POLK: variants seen among roughly 807,000 people sequenced by gnomAD.
The protein encoded by POLK is polymerase (DNA directed) kappa.
POLK carries 76 observed loss-of-function variants against 94.0 expected under a neutral mutation model. That is an observed-to-expected ratio of 0.81 (90% confidence interval 0.67 to 0.98). The LOEUF is 0.98. Ranked by LOEUF, POLK falls within the 50% of genes least tolerant of loss-of-function variation. The pLI, the probability that POLK is intolerant of heterozygous loss-of-function variation, is 0.00. For missense variants in POLK, 954 were observed against 1,010.1 expected (o/e 0.94, Z 0.75); for synonymous variants, 349 against 325.4 (o/e 1.07, Z -0.78).
chr5:75,577,863 C>CT (rs1162241922), intron 6 of POLK, among the ~76,000 whole-genome samples: 55 of 151,458 alleles, frequency 3.6e-4, no homozygotes, highest in Admixed American at 9.9e-4. Flanking sequence ...ATAGCTCTCT[C>CT]TTTTTTTTTA....
chr5:75,554,549 TATAA>T (rs1055743649), intron 3 of POLK, among the ~76,000 whole-genome samples: 2 of 152,112 alleles, frequency 1.3e-5, no homozygotes, highest in Non-Finnish European at 2.9e-5. Flanking sequence ...AGGTTTGTTA[TATAA>T]ATAAACTGGT....
At chr5:75,571,894 T>C (rs983571919) in intron 4 of POLK, among the ~76,000 whole-genome samples, 1 of 152,220 alleles carries the variant, frequency 6.6e-6, no homozygotes. Flanking sequence ...CTAGCTTTTA[T>C]GTCAATTATA....
At chr5:75,557,195 A>G (rs889861394) in intron 3 of POLK, among the ~76,000 whole-genome samples, 1 of 152,198 alleles carries the variant, frequency 6.6e-6, no homozygotes, top group African/African-American at 2.4e-5. Context: ...CTATTTGTCT[A>G]TTCTTTTGCC....
chr5:75,577,665 C>T (rs1771967002), intron 6 of POLK, among the ~76,000 whole-genome samples: 1 of 152,158 alleles, frequency 6.6e-6, no homozygotes, highest in African/African-American at 2.4e-5. Context: ...TCATGTGCAC[C>T]ACTCATTGCT....
chr5:75,567,847 C>T (rs1039218852), intron 3 of POLK, among the ~76,000 whole-genome samples: 7 of 152,300 alleles, frequency 4.6e-5, no homozygotes, highest in Admixed American at 3.3e-4. Flanking sequence ...TAGAGCAACC[C>T]AGGTCATTCA....
Position 75,583,424 on chromosome 5 carries a change from T to G in POLK, c.1059+7T>G. On this transcript the variant is annotated splice_region_variant and intron_variant, in intron 8 of 14. Transcript: ENST00000241436. The stretch of plus-strand genomic sequence containing the variant: ...GGATTTACCCATTAGAAAGGTAAGA[T>G]TTTTACATAAAGTTTATTTATATAT... 6.4e-7 allele frequency: 1 copy of G among 1,570,574 alleles called. No individual in the cohort carries two copies. The highest frequency in any genetic ancestry group is 8.7e-7 in the Non-Finnish European group (1 of 1,145,308).
intron 3 of POLK, among the ~76,000 whole-genome samples, chr5:75,568,285 G>A (rs1223413763): frequency 6.6e-6 from 1 of 152,070 alleles, no homozygotes; most frequent in African/African-American, 2.4e-5. Context: ...ATATTTTCCA[G>A]CTTATTTAAT....
At chr5:75,552,402 A>G in intron 2 of POLK, 70 bp from the exon 3 acceptor site, 1 of 1,419,090 alleles carries the variant, frequency 7.0e-7, no homozygotes, top group Non-Finnish European at 9.5e-7. Flanking sequence ...GCTCTTAGCC[A>G]CCAGGTTATA....
exon 8 of POLK, chr5:75,583,353 A>G (rs1273997334): frequency 1.9e-6 from 3 of 1,604,704 alleles, no homozygotes; most frequent in Non-Finnish European, 2.6e-6. Context: ...CCAAATGGAC[A>G]ATACCAAATT....
chr5:75,568,685 CA>C, intron 3 of POLK: 3 of 440,758 alleles, frequency 6.8e-6, no homozygotes, highest in South Asian at 5.0e-5. Flanking sequence ...AGATTAACAT[CA>C]AATTTTAACA....
At chr5:75,598,118 AG>A in exon 15 of POLK, 1 of 519,162 alleles carries the variant, frequency 1.9e-6, no homozygotes, top group East Asian at 3.5e-5. Context: ...TATTTAGTGA[AG>A]GCAAGTGCAA....
chr5:75,597,399 A>G, intron 13 of POLK: 1 of 489,552 alleles, frequency 2.0e-6, no homozygotes. Context: ...TTTAGCACAG[A>G]ATGAACTCAA....
chr5:75,560,258 A>G (rs1770898912), intron 3 of POLK, among the ~76,000 whole-genome samples: 1 of 152,208 alleles, frequency 6.6e-6, no homozygotes, highest in African/African-American at 2.4e-5. Context: ...TTAGCATATT[A>G]TATGACACAT....
At chr5:75,602,643 GTTT>G (rs1773320184), downstream of POLK, among the ~76,000 whole-genome samples, 1 of 152,182 alleles carries the variant, frequency 6.6e-6, no homozygotes, top group Non-Finnish European at 1.5e-5. Flanking sequence ...TTCGTAACAT[GTTT>G]AGGGGGTCTC....
intron 1 of POLK, among the ~76,000 whole-genome samples, chr5:75,541,489 C>T (rs2112611482): frequency 6.6e-6 from 1 of 152,140 alleles, no homozygotes; most frequent in South Asian, 2.1e-4. Context: ...TTAAATTTCC[C>T]TCTGTCCCAT....
At chr5:75,524,688 C>T (rs1025809053) in intron 1 of POLK, among the ~76,000 whole-genome samples, 7 of 152,012 alleles carry the variant, frequency 4.6e-5, no homozygotes, top group African/African-American at 1.7e-4. Context: ...GGGTATCAAA[C>T]TTTGACAAAG....
At chr5:75,513,888 A>G (rs919159965) in intron 1 of POLK, among the ~76,000 whole-genome samples, 1 of 151,856 alleles carries the variant, frequency 6.6e-6, no homozygotes, top group African/African-American at 2.4e-5. Context: ...TTCTTTTATT[A>G]ATATTTTAAA....
chr5:75,583,542 A>C, intron 8 of POLK, 125 bp downstream of exon 8: 1 of 476,180 alleles, frequency 2.1e-6, no homozygotes, highest in East Asian at 3.5e-5. Context: ...CAAGAACTAT[A>C]ATGGATGATT....
chr5:75,511,579 T>C (rs1046844894), upstream of POLK: 141 of 1,462,648 alleles, frequency 9.6e-5, no homozygotes, highest in Non-Finnish European at 1.2e-4. Context: ...GAGTCCCGCG[T>C]CCACTCACAC....
Sources: gnomAD v4.1 joint callset for allele counts (sites outside exome capture counted in the v4.1 genomes callset) on GRCh38, gnomAD v4.1.1 for gene constraint, MANE v1.5 for transcripts, NCBI Gene and HGNC (gene_info 2026-07-23, HGNC 2026-07-21) for gene names.